Variants in KCTD17 observed in about 807,000 individuals in gnomAD.
The protein encoded by KCTD17 is BTB/POZ domain-containing protein KCTD17.
Under a neutral mutation model 41.5 loss-of-function variants are expected in KCTD17, and 20 were observed. The ratio of observed to expected loss-of-function variants is 0.48; its 90% confidence interval spans 0.34 to 0.70. The LOEUF (loss-of-function observed/expected upper bound fraction) is 0.70. Ranked by LOEUF, KCTD17 falls within the 30% of genes least tolerant of loss-of-function variation. The pLI is 0.01. For synonymous variants in KCTD17, 156 were observed against 173.8 expected, an observed-to-expected ratio of 0.90 and a Z score of 0.80; for missense variants, 317 against 427.2, an observed-to-expected ratio of 0.74 and a Z score of 2.27.
chr22:37,062,792 T>C lies in KCTD17; in HGVS notation c.*198T>C, dbSNP rs377623859. 2.5e-6 allele frequency: 3 copies of C among 1,205,518 alleles called. No homozygotes were observed. Among genetic ancestry groups the C allele is most frequent in the South Asian group, 3.3e-5 (2 of 60,684 alleles). 74.7% of individuals were successfully genotyped at this position (1,205,518 alleles called of 1,614,324 possible). On this transcript the variant is annotated 3_prime_UTR_variant, in exon 9 of 9. Coordinates refer to ENST00000403888, the MANE Select transcript of KCTD17 (RefSeq NM_001282684.2). Reference sequence around the variant, plus strand: ...GGCAGAGTGGACTGCTCATGGCAGATGTGTGGCAATGTCTGGCTGTGTCTC... The same window carrying C: ...GGCAGAGTGGACTGCTCATGGCAGACGTGTGGCAATGTCTGGCTGTGTCTC...
chr22:37,052,440 G>A (rs756513518), intron 1 of KCTD17: 4 of 440,270 alleles, frequency 9.1e-6, no homozygotes, highest in Admixed American at 4.8e-5. Flanking sequence ...CACCCACCCT[G>A]ACTCTGCTGC....
Position 37,062,698 on chromosome 22 carries a change from C to G in KCTD17, c.*104C>G. The G allele has an allele frequency of 6.5e-7, 1 of 1,535,770 alleles. No individual in the cohort carries two copies. Among genetic ancestry groups the G allele is most frequent in the Non-Finnish European group, 8.8e-7 (1 of 1,139,432 alleles). ...GCACCCGTGGGGCTGTGACTTACTC[C>G]TGCCTCCAGGGGCGGGGCGGGGCCC... On this transcript the variant is annotated 3_prime_UTR_variant, in exon 9 of 9. Transcript: ENST00000403888.
rs1272316381 is a variant in KCTD17 at position 37,060,806 on chromosome 22, C to T, written c.613-17C>T. ...GTCTCCACTCTTTCTTCCCTGGGTC[C>T]GCCGGCTGGTTCACAGAGCACGGAG... is the stretch of plus-strand genomic sequence containing the variant. On this transcript the variant is annotated splice_polypyrimidine_tract_variant and intron_variant, in intron 5 of 8. Coordinates refer to ENST00000403888, the MANE Select transcript of KCTD17 (RefSeq NM_001282684.2). 1.4e-5 allele frequency: 20 copies of T among 1,476,136 alleles called. No homozygotes were observed. The highest frequency in any genetic ancestry group is 1.0e-4 in the Admixed American group (4 of 39,174). The allele number at this position is 1,476,136 out of a possible 1,614,324, so 91.4% of individuals were successfully genotyped here.
At chr22:37,057,349 G>A (rs1303121141) in intron 3 of KCTD17, 49 bp from the exon 4 acceptor site, 39 of 1,469,634 alleles carry the variant, frequency 2.7e-5, no homozygotes, top group Non-Finnish European at 3.7e-5. Context: ...CCCTCCTGGG[G>A]TGCCTGGTGC....
intron 8 of KCTD17, chr22:37,062,308 T>G: frequency 1.0e-6 from 1 of 984,414 alleles, no homozygotes; most frequent in Non-Finnish European, 1.2e-6. Flanking sequence ...TGGGGAGCCC[T>G]TGCTGCTCCC....
intron 8 of KCTD17, chr22:37,062,188 G>A (rs1203893762): frequency 1.0e-6 from 1 of 985,204 alleles, no homozygotes; most frequent in Non-Finnish European, 1.2e-6. Flanking sequence ...GCCTCTCCCA[G>A]CCCTGAGCAA....
At chr22:37,059,479 T>C in intron 5 of KCTD17, 41 bp downstream of exon 5, 1 of 1,573,452 alleles carries the variant, frequency 6.4e-7, no homozygotes, top group Admixed American at 1.7e-5. Flanking sequence ...AGAAGTCTCC[T>C]GTCTCCCTCC....
intron 3 of KCTD17, among the ~76,000 whole-genome samples, chr22:37,057,172 C>T (rs762190959): frequency 1.3e-5 from 2 of 152,186 alleles, no homozygotes; most frequent in Non-Finnish European, 2.9e-5. Flanking sequence ...TGGAAAGTCC[C>T]GTAATGCCTA....
chr22:37,060,973 G>T, intron 6 of KCTD17, 51 bp downstream of exon 6: 1 of 1,539,896 alleles, frequency 6.5e-7, no homozygotes, highest in Non-Finnish European at 8.8e-7. Context: ...GGAGCCTCCC[G>T]CCCACTCCTT....
chr22:37,057,504 G>T lies in KCTD17; in HGVS notation c.486+11G>T, dbSNP rs369557121. ...TGGCGCTTCGAGCAGGTGCGCTGGG[G>T]ACAGGGGCGTGCCACCAGGACAACC... is the stretch of plus-strand genomic sequence containing the variant. On this transcript the variant is annotated intron_variant, in intron 4 of 8. Transcript: ENST00000403888. 7.6e-5 allele frequency: 122 copies of T among 1,606,202 alleles called. No homozygotes were observed. Among genetic ancestry groups the T allele is most frequent in the Non-Finnish European group, 1.0e-4 (120 of 1,178,382 alleles).
Position 37,061,984 on chromosome 22 carries a change from T to G in KCTD17, c.875+355T>G, listed in dbSNP as rs1481113777. 1 of 985,256 alleles carries G rather than the reference T, an allele frequency of 1.0e-6. No homozygotes were observed. The highest frequency in any genetic ancestry group is 1.2e-6 in the Non-Finnish European group (1 of 829,918). The allele number at this position is 985,256 out of a possible 1,614,324, so 61.0% of individuals were successfully genotyped here. ...TTTTGGATACCCTTGGCCCATGAAG[T>G]GTCAGCCAGAGTGGCTTAAGGATTG... On this transcript the variant is annotated intron_variant, in intron 8 of 8. Coordinates refer to ENST00000403888, the MANE Select transcript of KCTD17 (RefSeq NM_001282684.2). The surrounding 1 kb of genome is among the most constrained non-coding windows in gnomAD (Gnocchi z 6.6).
In KCTD17 at chr22:37,053,651, G is replaced by A. The variant is rs1386870000; in HGVS notation, c.298+443G>A. Among the ~76,000 whole-genome samples the A allele has an allele frequency of 3.3e-5, 5 of 152,206 alleles. No homozygotes were observed. Among genetic ancestry groups the A allele is most frequent in the African/African-American group, 1.2e-4 (5 of 41,442 alleles). On this transcript the variant is annotated intron_variant, in intron 2 of 8. Transcript: ENST00000403888. This position sits in a 1 kb window ranked among gnomAD's most constrained non-coding sequence, Gnocchi z 4.1. ...CTCAAATTCTGCCTGGTGAGGGCTT[G>A]TAAGTGGGTGGAGCGGGTGACTGTT...
rs1375310563 is a variant in KCTD17, at chr22:37,061,220, T to C, written c.784+45T>C. 5 of 1,549,852 alleles carry C rather than the reference T, an allele frequency of 3.2e-6. No homozygotes were observed. Among genetic ancestry groups the C allele is most frequent in the East Asian group, 2.4e-5 (1 of 40,902 alleles). On this transcript the variant is annotated intron_variant, in intron 7 of 8. Transcript: ENST00000403888. The surrounding 1 kb of genome is among the most constrained non-coding windows in gnomAD (Gnocchi z 6.6). ...CACCTCTTCTTCCTCCTGGATCTCATCTGCACCCTGCCTCTTCCCTCTCTG... is the reference window on the plus strand; with the variant it reads ...CACCTCTTCTTCCTCCTGGATCTCACCTGCACCCTGCCTCTTCCCTCTCTG...
chr22:37,059,242 G>T, intron 4 of KCTD17, 71 bp from the exon 5 acceptor site: 2 of 1,595,980 alleles, frequency 1.3e-6, no homozygotes, highest in South Asian at 2.2e-5. Context: ...TGAGTGCCGA[G>T]GTCTGTCGTA....
At position 37,061,539 on chromosome 22, in the gene KCTD17, G is replaced by A. The variant is rs756711502; in HGVS notation, c.785G>A (p.Gly262Asp). Residue 262 changes from glycine (G) to aspartate (D), a missense_variant and splice_region_variant, in exon 8 of 9, where the codon GGT (glycine) becomes GAT (aspartate). By Grantham distance (94) the Gly-to-Asp change is moderately conservative. Coordinates refer to ENST00000403888, the MANE Select transcript of KCTD17 (RefSeq NM_001282684.2). This position sits in a 1 kb window ranked among gnomAD's most constrained non-coding sequence, Gnocchi z 6.6. Reference protein sequence around the residue: ...PLPPPPLPAGGSRPHPLRPEA... With the variant: ...PLPPPPLPAGDSRPHPLRPEA... ...TCCTCCTCACGTTTCCTCCTTGCAG[G>A]TTCCCGTCCGCACCCTCTCAGACCT... 8.1e-6 allele frequency: 13 copies of A among 1,601,032 alleles called. No individual in the cohort carries two copies. The highest frequency in any genetic ancestry group is 1.3e-5 in the African/African-American group (1 of 74,898).
intron 5 of KCTD17, 126 bp from the exon 6 acceptor site, chr22:37,060,697 C>A: frequency 7.4e-7 from 1 of 1,344,316 alleles, no homozygotes. Context: ...GTGGCTGGAG[C>A]CCTCCCCTCT....
chr22:37,055,608 A>G (rs1925008898), intron 2 of KCTD17, among the ~76,000 whole-genome samples: 1 of 152,184 alleles, frequency 6.6e-6, no homozygotes, highest in African/African-American at 2.4e-5. Context: ...TGACTTCTTC[A>G]TCTCCCAGAT....
At chr22:37,054,752 C>T (rs892057164) in intron 2 of KCTD17, among the ~76,000 whole-genome samples, 10 of 152,192 alleles carry the variant, frequency 6.6e-5, no homozygotes, top group Non-Finnish European at 1.5e-4. Context: ...GCAGTGCTAG[C>T]TGTCTGTCAC....
intron 5 of KCTD17, 35 bp downstream of exon 5, chr22:37,059,473 G>A: frequency 6.3e-7 from 1 of 1,578,002 alleles, no homozygotes; most frequent in South Asian, 1.2e-5. Context: ...GTCCGGAGAA[G>A]TCTCCTGTCT....
Sources: gnomAD v4.1 joint callset for allele counts (sites outside exome capture counted in the v4.1 genomes callset) on GRCh38, gnomAD v4.1.1 for gene constraint, Gnocchi (gnomAD v3.1) non-coding constraint, MANE v1.5 for transcripts, NCBI Gene and HGNC (gene_info 2026-07-23, HGNC 2026-07-21) for gene names.